The following SREK1IP1 variants were observed in gnomAD, a reference collection of about 807,000 sequenced individuals.
The protein encoded by SREK1IP1 is protein SREK1IP1.
SREK1IP1 carries 12 observed loss-of-function variants against 22.8 expected under a neutral mutation model. The ratio of observed to expected loss-of-function variants is 0.53; its 90% CI spans 0.34 to 0.85. SREK1IP1 has a LOEUF of 0.85. SREK1IP1 is among the 40% of genes least tolerant of loss of function. SREK1IP1 has a pLI of 0.02. For missense variants in SREK1IP1, 147 were observed against 171.8 expected (o/e 0.86, Z 0.81); for synonymous variants, 53 against 52.7 (o/e 1.01, Z -0.02).
intron 1 of SREK1IP1, among the ~76,000 whole-genome samples, chr5:64,766,880 A>G (rs1463631458): frequency 6.6e-6 from 1 of 152,260 alleles, no homozygotes; most frequent in Admixed American, 6.5e-5. Context: ...TGTTTGATAT[A>G]GTATCTGACA....
intron 1 of SREK1IP1, among the ~76,000 whole-genome samples, chr5:64,758,495 T>C (rs1343129839): frequency 6.6e-6 from 1 of 152,202 alleles, no homozygotes; most frequent in Non-Finnish European, 1.5e-5. Context: ...TTGACTGGAA[T>C]AAAATCAAAT....
chr5:64,749,931 T>C (rs1742712478), intron 2 of SREK1IP1, among the ~76,000 whole-genome samples: 1 of 152,188 alleles, frequency 6.6e-6, no homozygotes, highest in South Asian at 2.1e-4. Context: ...TAGTTAATTA[T>C]CCTTTACCTC....
rs1357324181 is a variant in SREK1IP1 at position 64,722,334 on chromosome 5, ATC to A, written c.*2048_*2049del. On this transcript the variant is annotated 3_prime_UTR_variant, in exon 5 of 5. Coordinates refer to ENST00000513458, the MANE Select transcript of SREK1IP1 (RefSeq NM_173829.4). ...CAGAAACCTAATGAGCCAATTTATAATCTCTACAATTAACAGTAATAAAACTT... is the reference window on the plus strand; with the variant it reads ...CAGAAACCTAATGAGCCAATTTATAATCTACAATTAACAGTAATAAAACTT... 6.6e-6 allele frequency: 1 copy of A among 152,222 alleles called. No homozygotes were observed. Among genetic ancestry groups the A allele is most frequent in the Non-Finnish European group, 1.5e-5 (1 of 68,038 alleles). 9.4% of individuals were successfully genotyped at this position (152,222 alleles called of 1,614,324 possible).
At chr5:64,737,370 A>T (rs923439229) in intron 3 of SREK1IP1, among the ~76,000 whole-genome samples, 32 of 151,898 alleles carry the variant, frequency 2.1e-4, no homozygotes, top group African/African-American at 5.1e-4. Context: ...AAGAGAAATT[A>T]AAAAAAACTT....
intron 1 of SREK1IP1, chr5:64,754,823 A>G (rs1742809550): frequency 6.5e-6 from 1 of 153,178 alleles, no homozygotes; most frequent in Non-Finnish European, 1.5e-5. Flanking sequence ...TTAATGACCT[A>G]CTCAATTATA....
intron 1 of SREK1IP1, chr5:64,754,678 G>GA (rs927634494): frequency 2.9e-4 from 64 of 220,882 alleles, no homozygotes; most frequent in African/African-American, 1.4e-3. Context: ...TTGCCCAGGC[G>GA]ATCTCAAACT....
At chr5:64,728,919 C>T (rs981235900) in intron 3 of SREK1IP1, among the ~76,000 whole-genome samples, 6 of 152,176 alleles carry the variant, frequency 3.9e-5, no homozygotes, top group African/African-American at 1.2e-4. Flanking sequence ...GCAGGCTGGG[C>T]GCGGTGGCTC....
rs1314058872 is a variant in SREK1IP1, at chr5:64,722,869, G to A, written c.*1515C>T. On this transcript the variant is annotated 3_prime_UTR_variant, in exon 5 of 5. Coordinates refer to ENST00000513458, the MANE Select transcript of SREK1IP1 (RefSeq NM_173829.4). ...GTTATAAGGCTCCCTGAGTCTTACT[G>A]AGGGTATCCACATTGGGTGCCAGGT... is the stretch of plus-strand genomic sequence containing the variant. 1 of 152,228 alleles carries A rather than the reference G, an allele frequency of 6.6e-6. No homozygotes were observed. Among genetic ancestry groups the A allele is most frequent in the Non-Finnish European group, 1.5e-5 (1 of 68,044 alleles). The allele number at this position is 152,228 out of a possible 1,614,324, so 9.4% of individuals were successfully genotyped here. A position where few individuals can be genotyped will look rare whatever the true frequency, so the allele number is the denominator to read the frequency against.
chr5:64,748,633 T>C (rs1157243440), intron 2 of SREK1IP1, among the ~76,000 whole-genome samples: 1 of 152,130 alleles, frequency 6.6e-6, no homozygotes, highest in Non-Finnish European at 1.5e-5. Context: ...TTTGGAACAA[T>C]AACAAAAATA....
At chr5:64,727,530 C>CATATATATATATATATATATAT (rs370322604) in intron 4 of SREK1IP1, 21 of 117,450 alleles carry the variant, frequency 1.8e-4, no homozygotes, top group African/African-American at 7.6e-4. Context: ...CATATAATTA[C>CATATATATATATATATATATAT]ATATATATAT....
rs1025201134 is a variant in SREK1IP1, at chr5:64,722,213, G to A, written c.*2171C>T. ...AGAAATGCCAACATCATTTCTGGGG[G>A]GAAAATTACTGATCATTAAAATATT... On this transcript the variant is annotated 3_prime_UTR_variant, in exon 5 of 5. Coordinates refer to ENST00000513458, the MANE Select transcript of SREK1IP1 (RefSeq NM_173829.4). The A allele has an allele frequency of 6.6e-6, 1 of 151,988 alleles. No homozygotes were observed. Among genetic ancestry groups the A allele is most frequent in the Non-Finnish European group, 1.5e-5 (1 of 67,998 alleles). The allele number at this position is 151,988 out of a possible 1,614,324, so 9.4% of individuals were successfully genotyped here.
In SREK1IP1 at chr5:64,723,252, T is replaced by C. The variant is rs979280800; in HGVS notation, c.*1132A>G. ...CAAAGGCTTTCATGATGCAACTCCC[T>C]GGCTCTTAAATTTTAAAAAGTACAG... On this transcript the variant is annotated 3_prime_UTR_variant, in exon 5 of 5. Transcript: ENST00000513458. 5.3e-5 allele frequency: 8 copies of C among 152,340 alleles called. No homozygotes were observed. The East Asian group carries it at 1.3e-3, about 26-fold the overall frequency. The allele number at this position is 152,340 out of a possible 1,614,324, so 9.4% of individuals were successfully genotyped here.
intron 4 of SREK1IP1, chr5:64,727,553 A>ATTTTTTT (rs1186653493): frequency 3.5e-5 from 3 of 84,710 alleles, no homozygotes; most frequent in Admixed American, 1.1e-4. Context: ...ATATATATAT[A>ATTTTTTT]TTTTTTTTTT....
chr5:64,756,284 C>T (rs1380573999), intron 1 of SREK1IP1, among the ~76,000 whole-genome samples: 1 of 152,130 alleles, frequency 6.6e-6, no homozygotes, highest in Admixed American at 6.5e-5. Flanking sequence ...TTCATCATCC[C>T]AAATACTAAC....
chr5:64,756,011 C>T (rs945871544), intron 1 of SREK1IP1, among the ~76,000 whole-genome samples: 1 of 151,874 alleles, frequency 6.6e-6, no homozygotes, highest in South Asian at 2.1e-4. Flanking sequence ...CAAATTTTGA[C>T]AAGAGAAAAC....
At position 64,755,011 on chromosome 5, in the gene SREK1IP1, T is replaced by C. The variant is rs1742813168; in HGVS notation, c.14-649A>G. On this transcript the variant is annotated intron_variant, in intron 1 of 4. Transcript: ENST00000513458. ...AATGCAAATCAAAACCACAGTGAGA[T>C]ACCAACTCACACCAGTCAGAATAGC... Among the ~76,000 whole-genome samples, 3 of 152,078 alleles carry C rather than the reference T, an allele frequency of 2.0e-5. No homozygotes were observed. The South Asian group carries it at 6.2e-4, about 32-fold the overall frequency.
intron 1 of SREK1IP1, among the ~76,000 whole-genome samples, chr5:64,755,987 C>A (rs1035657223): frequency 4.6e-5 from 7 of 151,962 alleles, no homozygotes; most frequent in African/African-American, 1.7e-4. Flanking sequence ...TAAGAAATAT[C>A]TAAATTCAAC....
chr5:64,749,096 AT>A (rs1196801847), intron 2 of SREK1IP1, among the ~76,000 whole-genome samples: 14 of 147,892 alleles, frequency 9.5e-5, no homozygotes, highest in East Asian at 3.9e-4. Flanking sequence ...AATAATAATA[AT>A]AATAATAATA....
intron 2 of SREK1IP1, among the ~76,000 whole-genome samples, chr5:64,741,716 G>A (rs1742553955): frequency 6.6e-6 from 1 of 151,980 alleles, no homozygotes; most frequent in African/African-American, 2.4e-5. Flanking sequence ...TTTAATTCTT[G>A]CATCATTTCC....
Sources: allele counts gnomAD v4.1 joint callset (sites outside exome capture counted in the v4.1 genomes callset), GRCh38; gene constraint gnomAD v4.1.1; transcripts MANE v1.5; gene names NCBI Gene and HGNC (gene_info 2026-07-23, HGNC 2026-07-21).